Variants in OGDH observed in about 807,000 individuals in gnomAD.
The protein encoded by OGDH is oxoglutarate dehydrogenase.
Under a neutral mutation model 116.6 loss-of-function variants are expected in OGDH, and 38 were observed. The ratio of observed to expected loss-of-function variants is 0.33; its 90% CI spans 0.25 to 0.43. The LOEUF is 0.43. Ranked by LOEUF, OGDH falls within the 20% of genes least tolerant of loss-of-function variation. The pLI, the probability that OGDH is intolerant of heterozygous loss-of-function variation, is 1.00. For missense variants in OGDH, 825 were observed against 1,357.2 expected (o/e 0.61, Z 6.16); for synonymous variants, 488 against 533.3 (o/e 0.92, Z 1.17).
intron 2 of OGDH, among the ~76,000 whole-genome samples, chr7:44,627,391 A>G (rs1463738510): frequency 6.6e-6 from 1 of 152,268 alleles, no homozygotes; most frequent in Admixed American, 6.5e-5. Flanking sequence ...CCTTAGAGGC[A>G]TTTCACTTTA....
intron 2 of OGDH, among the ~76,000 whole-genome samples, chr7:44,630,718 A>C (rs1454086617): frequency 6.6e-6 from 1 of 152,190 alleles, no homozygotes; most frequent in Non-Finnish European, 1.5e-5. Context: ...ACCTAATACA[A>C]GGTAAATGCT....
intron 13 of OGDH, 90 bp downstream of exon 13, chr7:44,696,217 C>A: frequency 1.8e-6 from 2 of 1,111,744 alleles, no homozygotes; most frequent in South Asian, 1.3e-5. Context: ...ATGCTTTCCA[C>A]TTTGTACCCA....
intron 1 of OGDH, among the ~76,000 whole-genome samples, chr7:44,611,648 C>G (rs914572204): frequency 6.6e-6 from 1 of 151,818 alleles, no homozygotes; most frequent in Non-Finnish European, 1.5e-5. Flanking sequence ...TGGGGTCAAG[C>G]AATCCTCCCA....
chr7:44,638,336 A>G (rs180699378), intron 2 of OGDH, among the ~76,000 whole-genome samples: 1 of 152,340 alleles, frequency 6.6e-6, no homozygotes, highest in Non-Finnish European at 1.5e-5. Context: ...AGGCCCAAAT[A>G]CCACACTTAC....
intron 4 of OGDH, among the ~76,000 whole-genome samples, chr7:44,661,505 TG>T (rs1270020331): frequency 6.6e-6 from 1 of 152,148 alleles, no homozygotes; most frequent in African/African-American, 2.4e-5. Flanking sequence ...ATTTATTTTT[TG>T]TTCTGCTTTT....
chr7:44,622,009 C>A (rs1185716536), intron 1 of OGDH, among the ~76,000 whole-genome samples: 3 of 152,112 alleles, frequency 2.0e-5, no homozygotes, highest in African/African-American at 7.2e-5. Context: ...TTGGGAAGAA[C>A]AGATGAAATT....
At chr7:44,700,109 C>A (rs1788760752) in intron 18 of OGDH, 32 bp from the exon 19 acceptor site, 1 of 1,612,888 alleles carries the variant, frequency 6.2e-7, no homozygotes, top group Non-Finnish European at 8.5e-7. Context: ...GTGCTGTGTC[C>A]TGGCCTCTGG....
At chr7:44,614,923 T>C (rs538633319) in intron 1 of OGDH, among the ~76,000 whole-genome samples, 111 of 148,406 alleles carry the variant, frequency 7.5e-4, no homozygotes, top group Non-Finnish European at 1.2e-3. Context: ...TGCAACCTCC[T>C]GGGTTCAAGC....
intron 4 of OGDH, among the ~76,000 whole-genome samples, chr7:44,648,745 T>C (rs1786304096): frequency 6.6e-6 from 1 of 152,208 alleles, no homozygotes; most frequent in Non-Finnish European, 1.5e-5. Context: ...CATCATTGAC[T>C]TTGGAATTGG....
chr7:44,646,574 T>C (rs949815839), intron 3 of OGDH, among the ~76,000 whole-genome samples: 2 of 152,262 alleles, frequency 1.3e-5, no homozygotes, highest in African/African-American at 4.8e-5. Context: ...GGTGTTTCTT[T>C]ATCACTGCCT....
intron 1 of OGDH, among the ~76,000 whole-genome samples, chr7:44,618,230 ATAACT>A (rs1388990443): frequency 6.6e-6 from 1 of 152,240 alleles, no homozygotes; most frequent in Non-Finnish European, 1.5e-5. Context: ...CATTAAAAAA[ATAACT>A]TTATTGAGAC....
In OGDH at chr7:44,650,537, C is replaced by A. The variant is rs531336229; in HGVS notation, c.517+2778C>A. Among the ~76,000 whole-genome samples, 3 of 152,286 alleles carry A rather than the reference C, an allele frequency of 2.0e-5. No individual in the cohort carries two copies. In the East Asian group the frequency reaches 5.8e-4, roughly 29 times the overall value. On this transcript the variant is annotated intron_variant, in intron 4 of 22. Transcript: ENST00000222673. ...TGACCTTAACTATGCTCCAAGTGGGCTTACTAGCAATCTTTTGAGATGAGT... is the reference window on the plus strand; with the variant it reads ...TGACCTTAACTATGCTCCAAGTGGGATTACTAGCAATCTTTTGAGATGAGT...
Position 44,694,075 on chromosome 7 carries a change from G to A in OGDH, c.1515+71G>A, listed in dbSNP as rs971715427. 9 of 1,485,992 alleles carry A rather than the reference G, an allele frequency of 6.1e-6. No homozygotes were observed. In the African/African-American group the frequency reaches 1.2e-4, roughly 21 times the overall value. 92.1% of individuals were successfully genotyped at this position (1,485,992 alleles called of 1,614,324 possible). A position where few individuals can be genotyped will look rare whatever the true frequency, so the allele number is the denominator to read the frequency against. Reference sequence around the variant, plus strand: ...CACCCCTCTTGCCCTCGGCACCCCTGTGTCCCAAGGAGAGGAGCTTGTCTA... The same window carrying A: ...CACCCCTCTTGCCCTCGGCACCCCTATGTCCCAAGGAGAGGAGCTTGTCTA... On this transcript the variant is annotated intron_variant, in intron 11 of 22. Coordinates refer to ENST00000222673, the MANE Select transcript of OGDH (RefSeq NM_002541.4). The surrounding 1 kb of genome is among the most constrained non-coding windows in gnomAD (Gnocchi z 4.2).
Position 44,616,797 on chromosome 7 carries a change from G to A in OGDH, c.-27-7520G>A, listed in dbSNP as rs369164360. ...TATGTGTATATGCATATATATATGTGTATATATATGCATATATACGTATAT... is the reference window on the plus strand; with the variant it reads ...TATGTGTATATGCATATATATATGTATATATATATGCATATATACGTATAT... On this transcript the variant is annotated intron_variant, in intron 1 of 22. Transcript: ENST00000222673. 4.2e-3 allele frequency among the ~76,000 whole-genome samples: 383 copies of A among 90,592 alleles called. 2 individuals are homozygous for A. Among genetic ancestry groups the A allele is most frequent in the African/African-American group, 0.012 (306 of 25,080 alleles). 59.4% of individuals were successfully genotyped at this position (90,592 alleles called of 152,430 possible).
In OGDH at chr7:44,698,275, A is replaced by T. The variant is rs753750740; in HGVS notation, c.2430+12A>T. On this transcript the variant is annotated intron_variant, in intron 18 of 22. Coordinates refer to ENST00000222673, the MANE Select transcript of OGDH (RefSeq NM_002541.4). ...CAGATGTCCTGCCAGTGAGTAATAC[A>T]GGCCCTGTCAGCCCAGCCATTCTCG... is the stretch of plus-strand genomic sequence containing the variant. 6.2e-7 allele frequency: 1 copy of T among 1,612,392 alleles called. No individual in the cohort carries two copies. Among genetic ancestry groups the T allele is most frequent in the South Asian group, 1.1e-5 (1 of 91,030 alleles).
intron 4 of OGDH, among the ~76,000 whole-genome samples, chr7:44,652,336 C>G (rs1786486850): frequency 6.6e-6 from 1 of 152,062 alleles, no homozygotes; most frequent in Non-Finnish European, 1.5e-5. Flanking sequence ...TCTTGAACTC[C>G]TGACCTCAGG....
chr7:44,607,554 C>T (rs574309777), intron 1 of OGDH, among the ~76,000 whole-genome samples: 40 of 152,248 alleles, frequency 2.6e-4, no homozygotes, highest in Non-Finnish European at 5.0e-4. Context: ...TGGGATAAAG[C>T]CTTTTTTTGT....
At chr7:44,652,479 TA>T (rs1285817623) in intron 4 of OGDH, among the ~76,000 whole-genome samples, 2 of 152,222 alleles carry the variant, frequency 1.3e-5, no homozygotes, top group African/African-American at 4.8e-5. Flanking sequence ...ATGCCCATCT[TA>T]ATTTGTGCCA....
Position 44,673,883 on chromosome 7 carries a change from A to G in OGDH, c.730A>G (p.Met244Val), listed in dbSNP as rs558126406. 6.2e-7 allele frequency: 1 copy of G among 1,614,244 alleles called. No individual in the cohort carries two copies. The highest frequency in any genetic ancestry group is 1.3e-5 in the African/African-American group (1 of 75,062). The change falls in exon 6 of 23, where the codon ATG (methionine) becomes GTG (valine). Residue 244 changes from methionine (M) to valine (V), a missense_variant. Met to Val is a conservative substitution (Grantham distance 21). Around this residue, in one of 7 missense-constraint regions of OGDH, gnomAD observed 171 missense variants for 276.8 expected, o/e 0.62. Transcript: ENST00000222673. ...GCAGAAGTTTGAGACCCCTGGGATC[A>G]TGCAGTTCACAAATGAGGAGAAACG... The part of the protein sequence containing the change: ...IRQKFETPGI[M>V]QFTNEEKRTL...
Sources: allele counts gnomAD v4.1 joint callset (sites outside exome capture counted in the v4.1 genomes callset), GRCh38; gene constraint gnomAD v4.1.1; regional missense constraint gnomAD v4.1.1; non-coding constraint Gnocchi (gnomAD v3.1); transcripts MANE v1.5; gene names NCBI Gene and HGNC (gene_info 2026-07-23, HGNC 2026-07-21).